The following RASSF3 variants were observed in gnomAD, a reference collection of about 807,000 sequenced individuals.
The protein encoded by RASSF3 is Ras association domain family member 3, also known as ras association domain-containing protein 3.
Under a neutral mutation model 19.9 loss-of-function variants are expected in RASSF3, and 19 were observed. The ratio of observed to expected loss-of-function variants is 0.96; its 90% CI spans 0.67 to 1.40. RASSF3 has a LOEUF of 1.40. RASSF3 is among the 40% of genes most tolerant of loss of function. The pLI is 0.00. For synonymous variants in RASSF3, 110 were observed against 104.2 expected (o/e 1.06, Z -0.34); for missense variants, 306 against 289.8 (o/e 1.06, Z -0.41).
At chr12:64,672,515 C>T (rs376687868) in intron 1 of RASSF3, among the ~76,000 whole-genome samples, 10 of 152,022 alleles carry the variant, frequency 6.6e-5, no homozygotes, top group East Asian at 1.9e-4. Flanking sequence ...TGTGAGCTAT[C>T]GCACCCAGCC....
intron 2 of RASSF3, among the ~76,000 whole-genome samples, chr12:64,553,502 C>T (rs914274517): frequency 1.3e-5 from 2 of 152,058 alleles, no homozygotes; most frequent in African/African-American, 4.8e-5. Flanking sequence ...AGAAGTATGC[C>T]ATTTGGGGTC....
chr12:64,640,952 C>T (rs1213905683), intron 1 of RASSF3, among the ~76,000 whole-genome samples: 1 of 152,084 alleles, frequency 6.6e-6, no homozygotes. Flanking sequence ...CACTCCCTCA[C>T]TCAGCCTAGG....
At chr12:64,606,947 T>C (rs1870204101), upstream of RASSF3, among the ~76,000 whole-genome samples, 1 of 152,188 alleles carries the variant, frequency 6.6e-6, no homozygotes, top group African/African-American at 2.4e-5. Flanking sequence ...AGATACAATT[T>C]TCATGAGCTA....
At chr12:64,652,160 T>G (rs1278294573) in intron 1 of RASSF3, among the ~76,000 whole-genome samples, 1 of 152,198 alleles carries the variant, frequency 6.6e-6, no homozygotes, top group African/African-American at 2.4e-5. Flanking sequence ...AAGGATGGTA[T>G]TTTGGCTCTA....
At chr12:64,551,016 C>G (rs1007813306) in intron 2 of RASSF3, among the ~76,000 whole-genome samples, 8 of 152,068 alleles carry the variant, frequency 5.3e-5, no homozygotes, top group African/African-American at 1.9e-4. Context: ...CAAGCTTGCC[C>G]GAGATGGCTG....
chr12:64,694,709 A>G, intron 4 of RASSF3, 54 bp from the exon 5 acceptor site: 8 of 1,599,710 alleles, frequency 5.0e-6, no homozygotes, highest in Non-Finnish European at 6.8e-6. Flanking sequence ...CAGCATTCCT[A>G]AGTCTAACTG....
intron 1 of RASSF3, among the ~76,000 whole-genome samples, chr12:64,656,249 A>T (rs1872154790): frequency 6.6e-6 from 1 of 152,172 alleles, no homozygotes; most frequent in African/African-American, 2.4e-5. Flanking sequence ...GTAGGAGTAT[A>T]TGAATATTTG....
At chr12:64,618,296 T>G (rs12315116) in intron 1 of RASSF3, among the ~76,000 whole-genome samples, 1 of 152,058 alleles carries the variant, frequency 6.6e-6, no homozygotes, top group Non-Finnish European at 1.5e-5. Flanking sequence ...TGGCTATCAG[T>G]AGTGTTGTCA....
chr12:64,607,299 A>G (rs920995328), upstream of RASSF3, among the ~76,000 whole-genome samples: 12 of 151,982 alleles, frequency 7.9e-5, no homozygotes, highest in East Asian at 1.9e-4. Flanking sequence ...AAGCTACCAG[A>G]AAAATATGCA....
intron 1 of RASSF3, among the ~76,000 whole-genome samples, chr12:64,535,720 T>C (rs1470416021): frequency 1.4e-5 from 2 of 141,790 alleles, no homozygotes; most frequent in Admixed American, 1.4e-4. Flanking sequence ...GGAGTTTTGC[T>C]CTTATTGCCC....
intron 1 of RASSF3, among the ~76,000 whole-genome samples, chr12:64,650,432 T>TTTTTA (rs1451419300): frequency 7.4e-6 from 1 of 134,570 alleles, no homozygotes; most frequent in African/African-American, 3.0e-5. Context: ...TTTTTTTTTT[T>TTTTTA]GAGACAGAGT....
At chr12:64,554,018 G>A (rs1035433688) in intron 2 of RASSF3, among the ~76,000 whole-genome samples, 15 of 151,704 alleles carry the variant, frequency 9.9e-5, no homozygotes, top group Non-Finnish European at 1.3e-4. Flanking sequence ...AGTTGTCTGG[G>A]GCATGGTTAG....
At chr12:64,592,990 T>C (rs2136141394) in intron 2 of RASSF3, among the ~76,000 whole-genome samples, 1 of 152,250 alleles carries the variant, frequency 6.6e-6, no homozygotes, top group South Asian at 2.1e-4. Context: ...TATAGATATT[T>C]GCTGTTTATG....
intron 1 of RASSF3, among the ~76,000 whole-genome samples, chr12:64,621,643 AATTTTTGT>A (rs1290733454): frequency 6.6e-6 from 1 of 152,094 alleles, no homozygotes; most frequent in African/African-American, 2.4e-5. Context: ...ATGCGCGGCT[AATTTTTGT>A]ATTTTTAGTA....
intron 2 of RASSF3, among the ~76,000 whole-genome samples, chr12:64,562,076 G>A (rs2136126015): frequency 6.6e-6 from 1 of 151,492 alleles, no homozygotes; most frequent in South Asian, 2.1e-4. Context: ...GGAATGCAGT[G>A]GTTGCCCAGG....
chr12:64,680,975 T>C (rs1383002159), intron 1 of RASSF3, among the ~76,000 whole-genome samples: 1 of 152,126 alleles, frequency 6.6e-6, no homozygotes, highest in Non-Finnish European at 1.5e-5. Flanking sequence ...GTCTCAGTTA[T>C]CTATGTGTGG....
upstream of RASSF3, among the ~76,000 whole-genome samples, chr12:64,531,283 T>C (rs1056251136): frequency 2.0e-5 from 3 of 152,252 alleles, no homozygotes; most frequent in African/African-American, 7.2e-5. Context: ...GAATATCTAA[T>C]TGTCCCAGCA....
intron 1 of RASSF3, among the ~76,000 whole-genome samples, chr12:64,615,756 A>G (rs1870534007): frequency 4.7e-5 from 7 of 149,322 alleles, no homozygotes; most frequent in Admixed American, 4.7e-4. Context: ...GCTCTGCAAC[A>G]TCTGCCTCCT....
chr12:64,584,632 A>C (rs1211089727), intron 2 of RASSF3, among the ~76,000 whole-genome samples: 1 of 152,048 alleles, frequency 6.6e-6, no homozygotes, highest in Non-Finnish European at 1.5e-5. Context: ...ATGAATTCCA[A>C]AGGAAATGCA....
Sources: gnomAD v4.1 joint callset for allele counts (sites outside exome capture counted in the v4.1 genomes callset) on GRCh38, gnomAD v4.1.1 for gene constraint, MANE v1.5 for transcripts, NCBI Gene and HGNC (gene_info 2026-07-23, HGNC 2026-07-21) for gene names.